PRRC1: variants seen among roughly 807,000 people sequenced by gnomAD.
The protein encoded by PRRC1 is protein PRRC1.
Under a neutral mutation model 40.7 loss-of-function variants are expected in PRRC1, and 39 were observed. That is an observed-to-expected ratio of 0.96 (90% CI 0.74 to 1.25). The LOEUF (loss-of-function observed/expected upper bound fraction) is 1.25, where lower values mean the gene tolerates loss of function less well. Ranked by LOEUF, PRRC1 falls within the 50% of genes most tolerant of loss-of-function variation. The probability of loss-of-function intolerance (pLI) is 0.00; values close to 1 mark genes in which losing one functional copy is unlikely to be tolerated. For synonymous variants in PRRC1, 175 were observed against 193.3 expected, an observed-to-expected ratio of 0.91 and a Z score of 0.79; for missense variants, 573 against 548.3, an observed-to-expected ratio of 1.05 and a Z score of -0.45.
At chr5:127,528,545 G>A (rs1024411574) in intron 4 of PRRC1, among the ~76,000 whole-genome samples, 1 of 152,088 alleles carries the variant, frequency 6.6e-6, no homozygotes, top group Non-Finnish European at 1.5e-5. Context: ...TCGAACTCCT[G>A]ACCTCAGGCG....
intron 1 of PRRC1, among the ~76,000 whole-genome samples, chr5:127,521,560 G>T (rs934848185): frequency 7.2e-5 from 11 of 152,220 alleles, no homozygotes; most frequent in African/African-American, 2.7e-4. Flanking sequence ...TTCTATAGAA[G>T]TAAAATTGCC....
intron 5 of PRRC1, among the ~76,000 whole-genome samples, chr5:127,531,617 C>CTTTTTTTTTTTTTTTTTTTTTTTTT (rs60179366): frequency 3.0e-5 from 3 of 99,682 alleles, no homozygotes; most frequent in African/African-American, 1.4e-4. Context: ...TCTTCTTCTT[C>CTTTTTTTTTTTTTTTTTTTTTTTTT]TTTTTTTTTT....
intron 1 of PRRC1, among the ~76,000 whole-genome samples, chr5:127,522,080 A>C (rs1006585354): frequency 3.9e-5 from 6 of 152,236 alleles, no homozygotes; most frequent in Non-Finnish European, 8.8e-5. Flanking sequence ...TTCCAAAGGC[A>C]TCAGTATAGT....
intron 7 of PRRC1, among the ~76,000 whole-genome samples, chr5:127,545,341 T>G (rs1368261164): frequency 6.6e-6 from 1 of 151,992 alleles, no homozygotes; most frequent in Admixed American, 6.6e-5. Flanking sequence ...TGCACACATA[T>G]GTTTATTGCG....
At chr5:127,526,556 C>T (rs1561680173) in intron 3 of PRRC1, 62 bp from the exon 4 acceptor site, 1 of 1,387,234 alleles carries the variant, frequency 7.2e-7, no homozygotes, top group Non-Finnish European at 9.8e-7. Context: ...TGAGCCACTC[C>T]TTTTTATAGG....
intron 7 of PRRC1, among the ~76,000 whole-genome samples, chr5:127,543,834 C>T (rs1374664355): frequency 2.0e-5 from 3 of 152,116 alleles, no homozygotes; most frequent in Non-Finnish European, 2.9e-5. Context: ...TTCTGTAGCT[C>T]GGAGTAGTTT....
Position 127,553,983 on chromosome 5 carries a change from T to A in PRRC1, c.*2067T>A. Reference sequence around the variant, plus strand: ...ACTGCTCTGGCCTCTCTGGTTCTGTTCTTGGCCCAGAGTTTTTGAAAAGCA... The same window carrying A: ...ACTGCTCTGGCCTCTCTGGTTCTGTACTTGGCCCAGAGTTTTTGAAAAGCA... On this transcript the variant is annotated 3_prime_UTR_variant, in exon 9 of 9. Coordinates refer to ENST00000296666, the MANE Select transcript of PRRC1 (RefSeq NM_130809.5). The A allele has an allele frequency of 7.1e-7, 1 of 1,409,706 alleles. No individual in the cohort carries two copies. Among genetic ancestry groups the A allele is most frequent in the Non-Finnish European group, 9.4e-7 (1 of 1,059,026 alleles). 87.3% of individuals were successfully genotyped at this position (1,409,706 alleles called of 1,614,324 possible).
At chr5:127,530,481 T>C in intron 5 of PRRC1, 85 bp downstream of exon 5, 1 of 743,180 alleles carries the variant, frequency 1.3e-6, no homozygotes, top group Non-Finnish European at 2.2e-6. Context: ...TCTCTGTTCG[T>C]TTCCACTGAT....
chr5:127,546,225 C>G (rs1768216344), intron 7 of PRRC1, among the ~76,000 whole-genome samples: 1 of 152,188 alleles, frequency 6.6e-6, no homozygotes, highest in Admixed American at 6.5e-5. Flanking sequence ...TGTTGTTAAA[C>G]TCTTACATAG....
chr5:127,531,683 C>T lies in PRRC1; in HGVS notation c.757+1287C>T, dbSNP rs556793308. 4.0e-5 allele frequency among the ~76,000 whole-genome samples: 5 copies of T among 124,948 alleles called. No homozygotes were observed. In the East Asian group the frequency reaches 7.1e-4, roughly 18 times the overall value. 82.0% of individuals were successfully genotyped at this position (124,948 alleles called of 152,430 possible). ...TGTCACTCAGACTGGAGTGCAGTGG[C>T]GTGATCTCAGCTCACTACAACCTCT... On this transcript the variant is annotated intron_variant, in intron 5 of 8. Coordinates refer to ENST00000296666, the MANE Select transcript of PRRC1 (RefSeq NM_130809.5).
chr5:127,531,161 G>A (rs774382414), intron 5 of PRRC1, among the ~76,000 whole-genome samples: 2 of 152,186 alleles, frequency 1.3e-5, no homozygotes, highest in Non-Finnish European at 2.9e-5. Flanking sequence ...CCTAGCAATT[G>A]TTAAGTGTCT....
chr5:127,548,169 A>AT (rs1185920280), intron 8 of PRRC1: 2 of 520,920 alleles, frequency 3.8e-6, no homozygotes, highest in Non-Finnish European at 3.4e-6. Context: ...TATTTCTCTC[A>AT]TTTTTTTCTT....
chr5:127,538,161 AC>A (rs1767946584), intron 6 of PRRC1, among the ~76,000 whole-genome samples: 3 of 152,030 alleles, frequency 2.0e-5, no homozygotes, highest in African/African-American at 7.2e-5. Context: ...ACGTTCTCGC[AC>A]AGTTGTCACT....
intron 8 of PRRC1, 110 bp downstream of exon 8, chr5:127,548,031 TTCAG>T (rs752655024): frequency 1.3e-6 from 1 of 785,148 alleles, no homozygotes; most frequent in South Asian, 1.4e-5. Context: ...TTGATTTTGT[TTCAG>T]TCATTTTTCT....
Position 127,552,516 on chromosome 5 carries a change from A to C in PRRC1, c.*600A>C. 4 of 986,040 alleles carry C rather than the reference A, an allele frequency of 4.1e-6. No homozygotes were observed. Among genetic ancestry groups the C allele is most frequent in the Non-Finnish European group, 4.8e-6 (4 of 830,008 alleles). 61.1% of individuals were successfully genotyped at this position (986,040 alleles called of 1,614,324 possible). ...TTTCCTTTTTGGCCATCACGTACAC[A>C]TGTAATCTGGAAAATCATACCTTTG... On this transcript the variant is annotated 3_prime_UTR_variant, in exon 9 of 9. Transcript: ENST00000296666.
chr5:127,536,485 G>T (rs942563120), intron 6 of PRRC1, among the ~76,000 whole-genome samples: 2 of 152,046 alleles, frequency 1.3e-5, no homozygotes, highest in African/African-American at 4.8e-5. Context: ...TTGCAAGTTG[G>T]AGAGAGTTTA....
In PRRC1 at chr5:127,547,905, T is replaced by A. The variant is rs1465790623; in HGVS notation, c.1112T>A (p.Leu371Ter). The change falls in exon 8 of 9, where the codon TTG (leucine) becomes TAG (stop). Residue 371 changes from leucine (L) to a stop codon, truncating the protein, a stop_gained. Coordinates refer to ENST00000296666, the MANE Select transcript of PRRC1 (RefSeq NM_130809.5). LOFTEE classifies it high-confidence loss of function. The part of the protein sequence containing the change: ...ETFTQATPVP[L>*]EFVQQAQSLT... ...TTTACACAAGCCACACCAGTGCCTT[T>A]GGAATTTGTACAGCAGGTTGGTTTT... is the stretch of plus-strand genomic sequence containing the variant. 5.0e-6 allele frequency: 8 copies of A among 1,612,922 alleles called. No homozygotes were observed. The highest frequency in any genetic ancestry group is 6.8e-6 in the Non-Finnish European group (8 of 1,179,034).
rs1041672573 is a variant in PRRC1, at chr5:127,517,640, A to G, written c.-157A>G. ...GCAGGAGCATGCGCCGCCCGTGGCC[A>G]TCTTGTAGGCGGGGACACGCCGAGG... is the stretch of plus-strand genomic sequence containing the variant. On this transcript the variant is annotated 5_prime_UTR_variant, in exon 1 of 9. Transcript: ENST00000296666. 6 of 151,288 alleles carry G rather than the reference A, an allele frequency of 4.0e-5. No homozygotes were observed. The highest frequency in any genetic ancestry group is 2.6e-4 in the Admixed American group (4 of 15,172). 9.4% of individuals were successfully genotyped at this position (151,288 alleles called of 1,614,324 possible).
intron 7 of PRRC1, among the ~76,000 whole-genome samples, chr5:127,544,553 G>A (rs1189720944): frequency 6.6e-6 from 1 of 152,256 alleles, no homozygotes; most frequent in African/African-American, 2.4e-5. Flanking sequence ...CTTCCCGGCT[G>A]TTTTGTTTAC....
Sources: gnomAD v4.1 joint callset for allele counts (sites outside exome capture counted in the v4.1 genomes callset) on GRCh38, gnomAD v4.1.1 for gene constraint, MANE v1.5 for transcripts, NCBI Gene and HGNC (gene_info 2026-07-23, HGNC 2026-07-21) for gene names.